The following P2RY14 variants were observed in gnomAD, a reference collection of about 807,000 sequenced individuals.
The protein encoded by P2RY14 is purinergic receptor P2Y14.
In P2RY14, 2 loss-of-function variants were observed where a neutral mutation model predicts 0.9. The observed-to-expected ratio is 2.16, with a 90% CI of 0.88 to 6.79. The LOEUF is 6.79. Ranked by LOEUF, P2RY14 falls within the 30% of genes most tolerant of loss-of-function variation. P2RY14 has a pLI of 0.05. For synonymous variants in P2RY14, 158 were observed against 147.2 expected (o/e 1.07, Z -0.53); for missense variants, 378 against 400.1 (o/e 0.94, Z 0.47).
intron 1 of P2RY14, among the ~76,000 whole-genome samples, chr3:151,223,837 A>G (rs1331888043): frequency 2.0e-5 from 3 of 152,210 alleles, no homozygotes; most frequent in Admixed American, 6.5e-5. Flanking sequence ...TGTTGAACCT[A>G]AAAGAAAAAA....
chr3:151,272,722 C>A (rs6440732), intron 1 of P2RY14, among the ~76,000 whole-genome samples: 133,671 of 152,106 alleles, frequency 0.88, 58,979 homozygotes, highest in African/African-American at 0.97. Context: ...GTGGATATGG[C>A]TTGAAGTGTG....
intron 1 of P2RY14, among the ~76,000 whole-genome samples, chr3:151,250,721 A>G (rs975580871): frequency 1.3e-5 from 2 of 152,174 alleles, no homozygotes; most frequent in South Asian, 2.1e-4. Context: ...CAATGCTGCT[A>G]TGAAAGTGGG....
intron 2 of P2RY14, among the ~76,000 whole-genome samples, chr3:151,219,094 A>G (rs767569856): frequency 1.1e-4 from 16 of 152,184 alleles, no homozygotes; most frequent in Non-Finnish European, 2.1e-4. Flanking sequence ...AAAGACAGTT[A>G]TTAAAGTGTA....
intron 1 of P2RY14, among the ~76,000 whole-genome samples, chr3:151,224,378 T>C (rs1730054088): frequency 1.3e-5 from 2 of 152,222 alleles, no homozygotes; most frequent in Admixed American, 1.3e-4. Flanking sequence ...TGTAATCATT[T>C]ATACATTTTT....
At chr3:151,259,891 C>T (rs1738531907) in intron 1 of P2RY14, among the ~76,000 whole-genome samples, 1 of 152,178 alleles carries the variant, frequency 6.6e-6, no homozygotes, top group Non-Finnish European at 1.5e-5. Flanking sequence ...TTAGTTCATC[C>T]TGTTCTGTCC....
chr3:151,246,458 A>G (rs1185455443), intron 1 of P2RY14, among the ~76,000 whole-genome samples: 1 of 152,224 alleles, frequency 6.6e-6, no homozygotes, highest in East Asian at 1.9e-4. Context: ...GCCCTCAGAA[A>G]TAACGCCGCA....
intron 1 of P2RY14, among the ~76,000 whole-genome samples, chr3:151,249,544 A>G (rs892994874): frequency 1.3e-5 from 2 of 152,086 alleles, no homozygotes; most frequent in African/African-American, 2.4e-5. Context: ...AGACTATGCT[A>G]TCTCCTCTGG....
intron 2 of P2RY14, among the ~76,000 whole-genome samples, chr3:151,218,458 T>G (rs1001542363): frequency 1.3e-5 from 2 of 152,238 alleles, no homozygotes; most frequent in African/African-American, 4.8e-5. Flanking sequence ...TCACTGAATT[T>G]CTGCTGTGAA....
chr3:151,256,032 A>C (rs1265268155), intron 1 of P2RY14, among the ~76,000 whole-genome samples: 1 of 152,162 alleles, frequency 6.6e-6, no homozygotes, highest in Non-Finnish European at 1.5e-5. Flanking sequence ...TTGTTCCTTT[A>C]CAATGCTTTC....
chr3:151,245,797 G>C (rs1735310555), intron 1 of P2RY14, among the ~76,000 whole-genome samples: 1 of 145,408 alleles, frequency 6.9e-6, no homozygotes, highest in African/African-American at 2.6e-5. Context: ...AGGAAATAAA[G>C]GGTATTCAAT....
chr3:151,222,768 AT>A (rs985018326), intron 1 of P2RY14, among the ~76,000 whole-genome samples: 4 of 152,066 alleles, frequency 2.6e-5, no homozygotes, highest in African/African-American at 9.7e-5. Context: ...AGTTAGCATC[AT>A]TTTTTTCCCC....
intron 2 of P2RY14, 49 bp downstream of exon 2, chr3:151,219,486 A>G (rs528161916): frequency 6.6e-6 from 1 of 152,302 alleles, no homozygotes; most frequent in South Asian, 2.1e-4. Context: ...TAGCACTTCG[A>G]TGAAATTAAC....
At chr3:151,266,556 G>A (rs757581850) in intron 1 of P2RY14, among the ~76,000 whole-genome samples, 3 of 152,160 alleles carry the variant, frequency 2.0e-5, no homozygotes, top group Non-Finnish European at 2.9e-5. Flanking sequence ...CCACCTTAGC[G>A]TTAGCTATAA....
At chr3:151,222,565 G>A (rs1382480315) in intron 1 of P2RY14, among the ~76,000 whole-genome samples, 1 of 152,218 alleles carries the variant, frequency 6.6e-6, no homozygotes, top group Non-Finnish European at 1.5e-5. Flanking sequence ...CCCTGCACAA[G>A]CTCTCTTCTC....
chr3:151,228,108 C>T (rs1202414230), intron 1 of P2RY14, among the ~76,000 whole-genome samples: 2 of 152,116 alleles, frequency 1.3e-5, no homozygotes, highest in Non-Finnish European at 2.9e-5. Flanking sequence ...AATCTGTATG[C>T]TAAGGTCTAG....
At chr3:151,246,747 C>A (rs372914153) in intron 1 of P2RY14, among the ~76,000 whole-genome samples, 8 of 152,040 alleles carry the variant, frequency 5.3e-5, no homozygotes, top group East Asian at 3.9e-4. Context: ...AAGCAATGGC[C>A]ACAAAAGCCA....
chr3:151,266,758 ATAGT>A (rs1003816770), intron 1 of P2RY14, among the ~76,000 whole-genome samples: 4 of 152,220 alleles, frequency 2.6e-5, no homozygotes, highest in East Asian at 1.9e-4. Context: ...CATGCAGGAA[ATAGT>A]TAGCTGCCTG....
intron 1 of P2RY14, chr3:151,248,756 A>G (rs1736258120): frequency 6.6e-6 from 1 of 152,122 alleles, no homozygotes. Context: ...CTGTGACTCC[A>G]TCCATTAAAA....
intron 1 of P2RY14, among the ~76,000 whole-genome samples, chr3:151,272,849 G>C (rs915386212): frequency 1.3e-5 from 2 of 152,104 alleles, no homozygotes; most frequent in Non-Finnish European, 2.9e-5. Context: ...TTTTTGTTCT[G>C]TTTTCTACAG....
Sources: allele counts gnomAD v4.1 joint callset (sites outside exome capture counted in the v4.1 genomes callset), GRCh38; gene constraint gnomAD v4.1.1; transcripts MANE v1.5; gene names NCBI Gene and HGNC (gene_info 2026-07-23, HGNC 2026-07-21).